Variants in LSM11 observed in about 807,000 individuals in gnomAD.
The protein encoded by LSM11 is U7 snRNA-associated Sm-like protein LSm11.
In LSM11, 14 loss-of-function variants were observed where a neutral mutation model predicts 28.1. That is an observed-to-expected ratio of 0.50 (90% CI 0.33 to 0.78). LSM11 has a LOEUF of 0.78. Ranked by LOEUF, LSM11 falls within the 30% of genes least tolerant of loss-of-function variation. The pLI, the probability that LSM11 is intolerant of heterozygous loss-of-function variation, is 0.02. For synonymous variants in LSM11, 207 were observed against 214.2 expected (o/e 0.97, Z 0.30); for missense variants, 495 against 510.6 (o/e 0.97, Z 0.30).
In LSM11 at chr5:157,744,215, G is replaced by A; in HGVS notation, c.448+17G>A. On this transcript the variant is annotated intron_variant, in intron 1 of 3. Transcript: ENST00000286307. ...GAATGCCCTGTGAGTCCGCGGGCCG[G>A]GCGGGAAGCGGGGCAGCCGCCGTCC... 1.6e-6 allele frequency: 2 copies of A among 1,258,360 alleles called. No individual in the cohort carries two copies. Among genetic ancestry groups the A allele is most frequent in the Non-Finnish European group, 1.0e-6 (1 of 1,001,538 alleles). 77.9% of individuals were successfully genotyped at this position (1,258,360 alleles called of 1,614,324 possible). A position where few individuals can be genotyped will look rare whatever the true frequency, so the allele number is the denominator to read the frequency against.
intron 1 of LSM11, among the ~76,000 whole-genome samples, chr5:157,747,898 G>A (rs1351863921): frequency 1.3e-5 from 2 of 152,120 alleles, no homozygotes; most frequent in African/African-American, 4.8e-5. Flanking sequence ...TTAAAATTCA[G>A]CCTTGTCACT....
chr5:157,752,274 C>T (rs1761245829), intron 2 of LSM11, among the ~76,000 whole-genome samples: 1 of 151,320 alleles, frequency 6.6e-6, no homozygotes, highest in African/African-American at 2.4e-5. Context: ...GGATTACAGG[C>T]CCCTGCCACC....
chr5:157,748,105 A>C (rs1761173445), intron 1 of LSM11, among the ~76,000 whole-genome samples: 1 of 152,082 alleles, frequency 6.6e-6, no homozygotes, highest in African/African-American at 2.4e-5. Context: ...CAAACATTGT[A>C]CTTTCAATCT....
In LSM11 at chr5:157,754,997, G is replaced by C. The variant is rs138630485; in HGVS notation, c.816G>C (p.Arg272=). Residue 272 remains arginine (R), a synonymous_variant, in exon 4 of 4, where the codon CGG becomes CGC. Transcript: ENST00000286307. ...ASVWGRADTG[R]GSHKRSRSVP... ...TGTGGGGAAGAGCAGACACTGGCCG[G>C]GGCTCACACAAGCGTTCCCGCTCTG... 54 of 1,614,182 alleles carry C rather than the reference G, an allele frequency of 3.3e-5. No homozygotes were observed. In the African/African-American group the frequency reaches 6.1e-4, roughly 18 times the overall value.
chr5:157,755,549 C>T lies in LSM11; in HGVS notation c.*285C>T, dbSNP rs1761310665. The T allele has an allele frequency of 3.8e-6, 2 of 530,884 alleles. No individual in the cohort carries two copies. Among genetic ancestry groups the T allele is most frequent in the Non-Finnish European group, 6.6e-6 (2 of 303,568 alleles). 32.9% of individuals were successfully genotyped at this position (530,884 alleles called of 1,614,324 possible). On this transcript the variant is annotated 3_prime_UTR_variant, in exon 4 of 4. Coordinates refer to ENST00000286307, the MANE Select transcript of LSM11 (RefSeq NM_173491.4). ...CCCTGAAACCAAATATCTGATCTTCCATTAGACTTAGGGGTCATGATATGA... is the reference window on the plus strand; with the variant it reads ...CCCTGAAACCAAATATCTGATCTTCTATTAGACTTAGGGGTCATGATATGA...
intron 1 of LSM11, among the ~76,000 whole-genome samples, chr5:157,750,851 G>C (rs1037693916): frequency 3.9e-5 from 6 of 152,000 alleles, no homozygotes; most frequent in Non-Finnish European, 8.8e-5. Context: ...GTGCGATCTC[G>C]GCTCACTGCA....
In LSM11 at chr5:157,743,835, G is replaced by A. The variant is rs1761100909; in HGVS notation, c.85G>A (p.Asp29Asn). 7 of 1,547,502 alleles carry A rather than the reference G, an allele frequency of 4.5e-6. No homozygotes were observed. In the South Asian group the frequency reaches 5.9e-5, roughly 13 times the overall value. ...CAGCCCGCGGCTGGATGTCAGCTCT[G>A]ACAGCTTCGACCCGCTGCTGGCCCT... ...PPSPRLDVSS[D>N]SFDPLLALYA... Residue 29 changes from aspartate (D) to asparagine (N), a missense_variant, in exon 1 of 4, where the codon GAC (aspartate) becomes AAC (asparagine). Asp to Asn is a conservative substitution (Grantham distance 23). Transcript: ENST00000286307.
intron 1 of LSM11, among the ~76,000 whole-genome samples, chr5:157,744,617 G>T (rs532695451): frequency 2.0e-5 from 3 of 152,222 alleles, no homozygotes; most frequent in Admixed American, 2.0e-4. Flanking sequence ...CGTCTACAGA[G>T]GTGATGAGAG....
rs1226685791 is a variant in LSM11 at position 157,751,429 on chromosome 5, T to C, written c.488T>C (p.Ile163Thr). 1.2e-6 allele frequency: 2 copies of C among 1,611,460 alleles called. No homozygotes were observed. The highest frequency in any genetic ancestry group is 2.2e-5 in the South Asian group (2 of 90,534). ...GSPLGELHRC[I>T]REGVKVNVHI... Reference sequence around the variant, plus strand: ...CCTCTGGGTGAACTCCATCGCTGTATCCGTGAGGGGGTGAAGGTGAATGTT... The same window carrying C: ...CCTCTGGGTGAACTCCATCGCTGTACCCGTGAGGGGGTGAAGGTGAATGTT... Residue 163 changes from isoleucine (I) to threonine (T), a missense_variant, in exon 2 of 4, where the codon ATC becomes ACC. Physicochemically the swap from Ile to Thr is moderately conservative, Grantham distance 89 (BLOSUM62 -1). Transcript: ENST00000286307.
At chr5:157,746,254 A>C (rs1046342248) in intron 1 of LSM11, among the ~76,000 whole-genome samples, 21 of 152,256 alleles carry the variant, frequency 1.4e-4, no homozygotes, top group African/African-American at 4.3e-4. Flanking sequence ...CTGGAAAAAA[A>C]TGCCTATGCA....
chr5:157,760,480 A>C lies in LSM11; in HGVS notation c.*5216A>C, dbSNP rs1423581977. 1.3e-5 allele frequency: 2 copies of C among 152,352 alleles called. No individual in the cohort carries two copies. Among genetic ancestry groups the C allele is most frequent in the Non-Finnish European group, 2.9e-5 (2 of 68,042 alleles). 9.4% of individuals were successfully genotyped at this position (152,352 alleles called of 1,614,324 possible). A position where few individuals can be genotyped will look rare whatever the true frequency, so the allele number is the denominator to read the frequency against. On this transcript the variant is annotated 3_prime_UTR_variant, in exon 4 of 4. Coordinates refer to ENST00000286307, the MANE Select transcript of LSM11 (RefSeq NM_173491.4). ...ATAACTTATTAATGTTTTTTTAGAC[A>C]AGGCTAAACCTGAATGACTCTACGT...
In LSM11 at chr5:157,752,248, G is replaced by C. The variant is rs369416852; in HGVS notation, c.588+719G>C. 3.0e-4 allele frequency among the ~76,000 whole-genome samples: 45 copies of C among 148,748 alleles called. No individual in the cohort carries two copies. The East Asian group carries it at 4.7e-3, about 15-fold the overall frequency. Reference sequence around the variant, plus strand: ...ACAATCTCAGCTCACTGCAACCTCCGCCTCCTGAGTAGCTGGGATTACAGG... The same window carrying C: ...ACAATCTCAGCTCACTGCAACCTCCCCCTCCTGAGTAGCTGGGATTACAGG... On this transcript the variant is annotated intron_variant, in intron 2 of 3. Coordinates refer to ENST00000286307, the MANE Select transcript of LSM11 (RefSeq NM_173491.4).
rs1274795925 is a variant in LSM11 at position 157,755,291 on chromosome 5, A to T, written c.*27A>T. ...CAGCTCAGCCTGAGCTTTGGTTTTT[A>T]GAAATAAAGTGCATGAATTGCTGCT... On this transcript the variant is annotated 3_prime_UTR_variant, in exon 4 of 4. Transcript: ENST00000286307. The T allele has an allele frequency of 6.2e-7, 1 of 1,601,240 alleles. No individual in the cohort carries two copies. The highest frequency in any genetic ancestry group is 8.5e-7 in the Non-Finnish European group (1 of 1,173,458).
At chr5:157,747,119 A>G (rs564019904) in intron 1 of LSM11, among the ~76,000 whole-genome samples, 1 of 152,338 alleles carries the variant, frequency 6.6e-6, no homozygotes, top group East Asian at 1.9e-4. Flanking sequence ...AGATGGTAAG[A>G]CAAGACTAAA....
intron 2 of LSM11, among the ~76,000 whole-genome samples, chr5:157,753,148 T>G (rs1213445366): frequency 6.6e-6 from 1 of 152,196 alleles, no homozygotes; most frequent in African/African-American, 2.4e-5. Context: ...TAAGTGGAAG[T>G]GCCAAACTTT....
chr5:157,760,684 C>T lies in LSM11; in HGVS notation c.*5420C>T, dbSNP rs940204398. ...ATGTGTCGTAATGGGAGTCTGAAAA[C>T]TGTAATAAACTGTATTCATATCCTG... On this transcript the variant is annotated 3_prime_UTR_variant, in exon 4 of 4. Transcript: ENST00000286307. 6.6e-6 allele frequency: 1 copy of T among 152,188 alleles called. No individual in the cohort carries two copies. Among genetic ancestry groups the T allele is most frequent in the African/African-American group, 2.4e-5 (1 of 41,440 alleles). The allele number at this position is 152,188 out of a possible 1,614,324, so 9.4% of individuals were successfully genotyped here. A position where few individuals can be genotyped will look rare whatever the true frequency, so the allele number is the denominator to read the frequency against.
chr5:157,746,501 G>A (rs192895156), intron 1 of LSM11, among the ~76,000 whole-genome samples: 2 of 152,310 alleles, frequency 1.3e-5, no homozygotes, highest in East Asian at 1.9e-4. Flanking sequence ...AACAAGGAGT[G>A]CAAAATTAAG....
chr5:157,751,025 GC>G (rs1245858593), intron 1 of LSM11, among the ~76,000 whole-genome samples: 2 of 152,060 alleles, frequency 1.3e-5, no homozygotes, highest in African/African-American at 4.8e-5. Flanking sequence ...CAGGTGATCC[GC>G]CCACCTCAGC....
intron 1 of LSM11, among the ~76,000 whole-genome samples, chr5:157,750,657 C>T (rs567974570): frequency 8.7e-4 from 133 of 152,302 alleles, no homozygotes; most frequent in African/African-American, 3.1e-3. Flanking sequence ...TTCCTTTGAA[C>T]ATGTAAACAA....
Sources: allele counts gnomAD v4.1 joint callset (sites outside exome capture counted in the v4.1 genomes callset), GRCh38; gene constraint gnomAD v4.1.1; transcripts MANE v1.5; gene names NCBI Gene and HGNC (gene_info 2026-07-23, HGNC 2026-07-21).